The following WRN variants were observed in gnomAD, a reference collection of about 807,000 sequenced individuals.
WRN encodes bifunctional 3'-5' exonuclease/ATP-dependent helicase WRN.
Under a neutral mutation model 180.7 loss-of-function variants are expected in WRN, and 149 were observed. The observed-to-expected ratio is 0.82, with a 90% confidence interval of 0.72 to 0.94. WRN has a LOEUF of 0.94. Ranked by LOEUF, WRN falls within the 40% of genes least tolerant of loss-of-function variation. The probability of loss-of-function intolerance (pLI) is 0.00; values close to 1 mark genes in which losing one functional copy is unlikely to be tolerated. For missense variants in WRN, 1,661 were observed against 1,700.1 expected (o/e 0.98, Z 0.40); for synonymous variants, 548 against 568.9 (o/e 0.96, Z 0.52).
intron 1 of WRN, among the ~76,000 whole-genome samples, chr8:31,036,884 T>A (rs1811470403): frequency 6.6e-6 from 1 of 152,188 alleles, no homozygotes; most frequent in Non-Finnish European, 1.5e-5. Flanking sequence ...CTATTTTTGC[T>A]TTTGTTACCT....
At chr8:31,143,431 T>A in intron 27 of WRN, 119 bp from the exon 28 acceptor site, 1 of 672,246 alleles carries the variant, frequency 1.5e-6, no homozygotes, top group Non-Finnish European at 2.6e-6. Context: ...GGTGATTAAT[T>A]TGACAGCTTG....
chr8:31,111,109 C>T (rs564233122), intron 18 of WRN, among the ~76,000 whole-genome samples: 4 of 151,080 alleles, frequency 2.6e-5, no homozygotes, highest in Non-Finnish European at 5.9e-5. Flanking sequence ...GTCATTGGAG[C>T]TTTGCTTCTA....
At chr8:31,150,504 T>C (rs755867841) in intron 31 of WRN, 49 bp downstream of exon 31, 2 of 1,544,332 alleles carry the variant, frequency 1.3e-6, no homozygotes, top group Non-Finnish European at 1.8e-6. Context: ...GCATTTTTTG[T>C]AACCATTTCA....
intron 18 of WRN, among the ~76,000 whole-genome samples, chr8:31,101,532 G>A (rs11574277): frequency 0.051 from 7,686 of 151,960 alleles, 657 homozygotes; most frequent in African/African-American, 0.17. Context: ...CACGCCTGTA[G>A]TCCCAGCACT....
At position 31,078,602 on chromosome 8, in the gene WRN, G is replaced by A. The variant is rs188747131; in HGVS notation, c.840-2265G>A. Among the ~76,000 whole-genome samples the A allele has an allele frequency of 2.5e-3, 388 of 152,280 alleles. 1 individual carries two copies. Among genetic ancestry groups the A allele is most frequent in the Admixed American group, 4.6e-3 (71 of 15,292 alleles). On this transcript the variant is annotated intron_variant, in intron 8 of 34. Coordinates refer to ENST00000298139, the MANE Select transcript of WRN (RefSeq NM_000553.6). Reference sequence around the variant, plus strand: ...AACTAAGAACTCTTAAAATAGAACGGTTTGAAGTTTGTTACAGAAGGGAGC... The same window carrying A: ...AACTAAGAACTCTTAAAATAGAACGATTTGAAGTTTGTTACAGAAGGGAGC...
At position 31,081,010 on chromosome 8, in the gene WRN, T is replaced by C. The variant is rs1259552506; in HGVS notation, c.983T>C (p.Val328Ala). The C allele has an allele frequency of 6.2e-7, 1 of 1,613,782 alleles. No individual in the cohort carries two copies. The highest frequency in any genetic ancestry group is 1.7e-5 in the Admixed American group (1 of 59,996). Reference sequence around the variant, plus strand: ...TTTGAAGATTCAACTACTGGGGGAGTACAACAGAAACAAATTAGAGAACAT... The same window carrying C: ...TTTGAAGATTCAACTACTGGGGGAGCACAACAGAAACAAATTAGAGAACAT... Reference protein sequence around the residue: ...LSFEDSTTGGVQQKQIREHEV... With the variant: ...LSFEDSTTGGAQQKQIREHEV... The change falls in exon 9 of 35, where the codon GTA becomes GCA. Residue 328 changes from valine (V) to alanine (A), a missense_variant. Val to Ala is a moderately conservative substitution (Grantham distance 64). Transcript: ENST00000298139.
At chr8:31,098,720 A>G (rs979363604) in intron 17 of WRN, among the ~76,000 whole-genome samples, 2 of 152,142 alleles carry the variant, frequency 1.3e-5, no homozygotes, top group Admixed American at 1.3e-4. Flanking sequence ...AGTAGTCTGG[A>G]TTTTTAACAG....
At position 31,157,474 on chromosome 8, in the gene WRN, C is replaced by T; in HGVS notation, c.3926C>T (p.Thr1309Ile). 2 of 1,614,148 alleles carry T rather than the reference C, an allele frequency of 1.2e-6. No individual in the cohort carries two copies. Among genetic ancestry groups the T allele is most frequent in the Non-Finnish European group, 1.7e-6 (2 of 1,180,016 alleles). Residue 1309 changes from threonine to isoleucine, a missense_variant, in exon 33 of 35, where the codon ACT becomes ATT. By Grantham distance (89) the Thr-to-Ile change is moderately conservative. Coordinates refer to ENST00000298139, the MANE Select transcript of WRN (RefSeq NM_000553.6). The stretch of plus-strand genomic sequence containing the variant: ...CTTGATTTGGAGCGAGCAGGCCTGA[C>T]TCCAGAGGTTCAGAAGATTATTGCT... ...CPLDLERAGL[T>I]PEVQKIIADV...
chr8:31,076,160 T>C lies in WRN; in HGVS notation c.725-13T>C, dbSNP rs1245419296. Reference sequence around the variant, plus strand: ...GTGGTTTGAAAATTAATATTGATTTTTTTTCCCCCTAGAGGAAGAAATCCT... The same window carrying C: ...GTGGTTTGAAAATTAATATTGATTTCTTTTCCCCCTAGAGGAAGAAATCCT... On this transcript the variant is annotated splice_polypyrimidine_tract_variant and intron_variant, in intron 7 of 34. Coordinates refer to ENST00000298139, the MANE Select transcript of WRN (RefSeq NM_000553.6). 1 of 1,598,204 alleles carries C rather than the reference T, an allele frequency of 6.3e-7. No homozygotes were observed.
chr8:31,159,626 C>A (rs935265533), intron 33 of WRN, among the ~76,000 whole-genome samples: 9 of 151,732 alleles, frequency 5.9e-5, no homozygotes, highest in Non-Finnish European at 1.2e-4. Context: ...TCCCTCCCCC[C>A]AAAAAATTAT....
In WRN at chr8:31,173,489, A is replaced by G. The variant is rs948287654; in HGVS notation, c.*387A>G. On this transcript the variant is annotated 3_prime_UTR_variant, in exon 35 of 35. Transcript: ENST00000298139. ...TGATATAAAATATTCATATATTATC[A>G]AAATTCTGTTTTGTAAATGTAAGAA... 3 of 197,836 alleles carry G rather than the reference A, an allele frequency of 1.5e-5. No homozygotes were observed. Among genetic ancestry groups the G allele is most frequent in the Admixed American group, 1.1e-4 (2 of 17,620 alleles). 12.3% of individuals were successfully genotyped at this position (197,836 alleles called of 1,614,324 possible).
intron 24 of WRN, among the ~76,000 whole-genome samples, chr8:31,132,916 TA>T (rs1309622948): frequency 2.6e-5 from 4 of 152,256 alleles, no homozygotes; most frequent in African/African-American, 9.6e-5. Context: ...TTATAGGGAT[TA>T]TTTTTTAAAT....
chr8:31,096,873 T>G, intron 17 of WRN, 23 bp downstream of exon 17: 2 of 1,580,468 alleles, frequency 1.3e-6, no homozygotes, highest in Non-Finnish European at 1.7e-6. Context: ...GAAAGATCTC[T>G]GTAAATACTT....
rs897697741 is a variant in WRN at position 31,054,428 on chromosome 8, T to G, written c.-76-3944T>G. ...GGTAAGAGATGGGATCTCACTATGT[T>G]GACCAAGTTAGTCTTGAACTCCTGC... On this transcript the variant is annotated intron_variant, in intron 1 of 34. Coordinates refer to ENST00000298139, the MANE Select transcript of WRN (RefSeq NM_000553.6). 2.6e-5 allele frequency among the ~76,000 whole-genome samples: 4 copies of G among 152,186 alleles called. 1 individual carries two copies. In the South Asian group the frequency reaches 8.3e-4, roughly 31 times the overall value.
chr8:31,048,939 AAT>A, intron 1 of WRN, among the ~76,000 whole-genome samples: 1 of 152,252 alleles, frequency 6.6e-6, no homozygotes, highest in East Asian at 1.9e-4. Context: ...TGAGTGTATG[AAT>A]TTCTGTTGTC....
At chr8:31,163,483 C>A (rs1230947760) in intron 33 of WRN, among the ~76,000 whole-genome samples, 1 of 152,052 alleles carries the variant, frequency 6.6e-6, no homozygotes, top group Non-Finnish European at 1.5e-5. Context: ...GAACAAGTTT[C>A]TCTTTTTACT....
chr8:31,171,344 A>G (rs1448882619), intron 34 of WRN: 1 of 152,114 alleles, frequency 6.6e-6, no homozygotes, highest in African/African-American at 2.4e-5. Flanking sequence ...AGAAAAAAAA[A>G]AAAACATTAA....
At chr8:31,053,497 C>T (rs1812153910) in intron 1 of WRN, among the ~76,000 whole-genome samples, 3 of 152,150 alleles carry the variant, frequency 2.0e-5, no homozygotes, top group South Asian at 2.1e-4. Flanking sequence ...TATTTTATTA[C>T]TGATTATGTG....
intron 29 of WRN, 67 bp downstream of exon 29, chr8:31,147,195 T>C (rs1298496071): frequency 1.4e-5 from 21 of 1,552,694 alleles, no homozygotes; most frequent in Non-Finnish European, 1.8e-5. Context: ...ATGCTTAAAA[T>C]TCTGTATTTT....
Sources: allele counts gnomAD v4.1 joint callset (sites outside exome capture counted in the v4.1 genomes callset), GRCh38; gene constraint gnomAD v4.1.1; transcripts MANE v1.5; gene names NCBI Gene and HGNC (gene_info 2026-07-23, HGNC 2026-07-21).